SND1: variants seen among roughly 807,000 people sequenced by gnomAD.
SND1 encodes the protein staphylococcal nuclease and tudor domain containing 1.
Under a neutral mutation model 121.7 loss-of-function variants are expected in SND1, and 38 were observed. The observed-to-expected ratio is 0.31, with a 90% CI of 0.24 to 0.41. The LOEUF (loss-of-function observed/expected upper bound fraction) is 0.41, where lower values mean the gene tolerates loss of function less well. Ranked by LOEUF, SND1 falls within the 10% of genes least tolerant of loss-of-function variation. The probability of loss-of-function intolerance (pLI) is 1.00; values close to 1 mark genes in which losing one functional copy is unlikely to be tolerated. For missense variants in SND1, 868 were observed against 1,184.6 expected (o/e 0.73, Z 3.92); for synonymous variants, 401 against 447.4 (o/e 0.90, Z 1.31).
chr7:127,954,822 G>A (rs1801555883), intron 15 of SND1, among the ~76,000 whole-genome samples: 1 of 152,112 alleles, frequency 6.6e-6, no homozygotes, highest in Non-Finnish European at 1.5e-5. Flanking sequence ...AGCAGGTGAT[G>A]GGAGGTGGAT....
intron 10 of SND1, among the ~76,000 whole-genome samples, chr7:127,799,703 T>C (rs1798094263): frequency 6.6e-6 from 1 of 152,240 alleles, no homozygotes; most frequent in Non-Finnish European, 1.5e-5. Flanking sequence ...GCTAAATGTA[T>C]TGCGTTGCTG....
chr7:128,008,209 G>C (rs1196527011), intron 16 of SND1: 2 of 152,240 alleles, frequency 1.3e-5, no homozygotes, highest in Admixed American at 6.5e-5. Flanking sequence ...GCCTAAGTTA[G>C]AGAAGTCATC....
chr7:128,064,862 G>A (rs1213802123), intron 16 of SND1, among the ~76,000 whole-genome samples: 1 of 152,200 alleles, frequency 6.6e-6, no homozygotes, highest in Non-Finnish European at 1.5e-5. Flanking sequence ...GGGGGTGCTT[G>A]ACTTTTACAG....
At chr7:128,061,719 A>G (rs1265072083) in intron 16 of SND1, among the ~76,000 whole-genome samples, 2 of 152,264 alleles carry the variant, frequency 1.3e-5, no homozygotes, top group Non-Finnish European at 2.9e-5. Context: ...GTCATTAACC[A>G]GGCTGATCCA....
At chr7:128,054,936 CCTTT>C (rs1793110381) in intron 16 of SND1, among the ~76,000 whole-genome samples, 1 of 152,162 alleles carries the variant, frequency 6.6e-6, no homozygotes, top group African/African-American at 2.4e-5. Flanking sequence ...GTGGGGAAAG[CCTTT>C]CTTAACGATT....
Position 127,706,260 on chromosome 7 carries a change from C to CA in SND1, c.948-1297_948-1296insA, listed in dbSNP as rs1191797017. 5.5e-5 allele frequency among the ~76,000 whole-genome samples: 4 copies of CA among 73,272 alleles called. No individual in the cohort carries two copies. The East Asian group carries it at 1.8e-3, about 33-fold the overall frequency. 48.1% of individuals were successfully genotyped at this position (73,272 alleles called of 152,430 possible). A position where few individuals can be genotyped will look rare whatever the true frequency, so the allele number is the denominator to read the frequency against. On this transcript the variant is annotated intron_variant, in intron 8 of 23. Transcript: ENST00000354725. ...TAATTTCTTGCCCCCCCTCCCCCCCCCCACCTTTTTTTTTTGAGACGGAGT... is the reference window on the plus strand; with the variant it reads ...TAATTTCTTGCCCCCCCTCCCCCCCCACCACCTTTTTTTTTTGAGACGGAGT...
chr7:127,851,751 CATTTAT>C (rs1350540533), intron 12 of SND1, among the ~76,000 whole-genome samples: 3 of 152,170 alleles, frequency 2.0e-5, no homozygotes, highest in Admixed American at 2.0e-4. Flanking sequence ...TTTCTTTCAG[CATTTAT>C]ATTTAAATTT....
intron 1 of SND1, among the ~76,000 whole-genome samples, chr7:127,675,278 A>G (rs939808727): frequency 6.6e-6 from 1 of 152,148 alleles, no homozygotes; most frequent in African/African-American, 2.4e-5. Flanking sequence ...ATTTACCCCA[A>G]TAGTATATGT....
At chr7:127,887,870 T>C (rs570834134) in intron 12 of SND1, 32 bp from the exon 13 acceptor site, 29 of 1,461,380 alleles carry the variant, frequency 2.0e-5, no homozygotes, top group Non-Finnish European at 2.5e-5. Flanking sequence ...TATGCACTTC[T>C]AGTGCTCACT....
intron 15 of SND1, among the ~76,000 whole-genome samples, chr7:127,969,145 G>A (rs971013674): frequency 6.6e-6 from 1 of 152,108 alleles, no homozygotes; most frequent in Non-Finnish European, 1.5e-5. Flanking sequence ...GTAAATAGTT[G>A]GTGGTGGGTA....
chr7:127,799,516 A>C (rs58102896), intron 10 of SND1, among the ~76,000 whole-genome samples: 2,599 of 152,312 alleles, frequency 0.017, 92 homozygotes, highest in African/African-American at 0.059. Flanking sequence ...AGAAAGATTG[A>C]GAAATTGGAG....
In SND1 at chr7:127,991,075, GCTT is replaced by G; in HGVS notation, c.1779+25_1779+27del. ...GCGAGAGGTAGGACATCTTCCTGTT[GCTT>G]CTTCTGTGAGGAGGGGTGACAAAAT... On this transcript the variant is annotated intron_variant, in intron 16 of 23. Coordinates refer to ENST00000354725, the MANE Select transcript of SND1 (RefSeq NM_014390.4). 1 of 1,587,704 alleles carries G rather than the reference GCTT, an allele frequency of 6.3e-7. No homozygotes were observed.
intron 10 of SND1, among the ~76,000 whole-genome samples, chr7:127,749,584 G>A (rs1053628851): frequency 2.6e-5 from 4 of 152,172 alleles, no homozygotes; most frequent in Admixed American, 2.0e-4. Context: ...CGTTCACACC[G>A]GGAAGAGTCA....
Position 128,085,688 on chromosome 7 carries a change from C to T in SND1, c.2235-23C>T. On this transcript the variant is annotated intron_variant, in intron 19 of 23. Coordinates refer to ENST00000354725, the MANE Select transcript of SND1 (RefSeq NM_014390.4). The surrounding 1 kb of genome is among the most constrained non-coding windows in gnomAD (Gnocchi z 4.4). The stretch of plus-strand genomic sequence containing the variant: ...AGAGTCCTCAGGGCTGTCTCTTGAG[C>T]TCTGCCCATGATGCCATTGCAGGTA... 6.2e-7 allele frequency: 1 copy of T among 1,612,262 alleles called. No individual in the cohort carries two copies. The highest frequency in any genetic ancestry group is 8.5e-7 in the Non-Finnish European group (1 of 1,178,404).
rs73455768 is a variant in SND1, at chr7:128,033,186, G to C, written c.1780-41316G>C. Among the ~76,000 whole-genome samples the C allele has an allele frequency of 3.9e-3, 588 of 152,268 alleles. 3 individuals are homozygous for C. The highest frequency in any genetic ancestry group is 0.012 in the African/African-American group (515 of 41,554). On this transcript the variant is annotated intron_variant, in intron 16 of 23. Coordinates refer to ENST00000354725, the MANE Select transcript of SND1 (RefSeq NM_014390.4). ...GGGGTAGCGATTGGGAGTGGGGGTG[G>C]AATTCTTGCTCCTATTTCTGGTAGG... is the stretch of plus-strand genomic sequence containing the variant.
intron 15 of SND1, among the ~76,000 whole-genome samples, chr7:127,989,701 C>A (rs1346042144): frequency 6.6e-6 from 1 of 152,228 alleles, no homozygotes; most frequent in Non-Finnish European, 1.5e-5. Flanking sequence ...ACACATACTC[C>A]ATGCATCCTC....
rs574359855 is a variant in SND1 at position 127,886,681 on chromosome 7, T to C, written c.1344-1221T>C. The stretch of plus-strand genomic sequence containing the variant: ...ATTTTTGAAAATTTGTTTTTGCAGT[T>C]TGATTGTTCATAACAAAGTTCCCTT... On this transcript the variant is annotated intron_variant, in intron 12 of 23. Transcript: ENST00000354725. 3.2e-4 allele frequency among the ~76,000 whole-genome samples: 49 copies of C among 152,212 alleles called. No homozygotes were observed. In the South Asian group the frequency reaches 9.8e-3, roughly 30 times the overall value.
intron 18 of SND1, among the ~76,000 whole-genome samples, chr7:128,084,305 G>A (rs1446001716): frequency 6.6e-6 from 1 of 152,230 alleles, no homozygotes. Flanking sequence ...CAGGCCAGGA[G>A]CTGGCCTTGC....
Position 128,005,901 on chromosome 7 carries a change from G to A in SND1, c.1779+14845G>A, listed in dbSNP as rs551221922. 7.3e-5 allele frequency among the ~76,000 whole-genome samples: 11 copies of A among 151,568 alleles called. No homozygotes were observed. In the East Asian group the frequency reaches 7.7e-4, roughly 11 times the overall value. On this transcript the variant is annotated intron_variant, in intron 16 of 23. Transcript: ENST00000354725. ...TCTCAAGTCCCCACCCCCAGCCCCC[G>A]ACCTTTTTCTAAAGGACACAGCCTT...
Sources: gnomAD v4.1 joint callset for allele counts (sites outside exome capture counted in the v4.1 genomes callset) on GRCh38, gnomAD v4.1.1 for gene constraint, Gnocchi (gnomAD v3.1) non-coding constraint, MANE v1.5 for transcripts, NCBI Gene and HGNC (gene_info 2026-07-23, HGNC 2026-07-21) for gene names.